Variants in PRKCQ observed in about 807,000 individuals in gnomAD.
PRKCQ encodes the protein protein kinase C theta, also known as protein kinase C theta type.
In PRKCQ, 41 loss-of-function variants were observed where a neutral mutation model predicts 91.2. The ratio of observed to expected loss-of-function variants is 0.45; its 90% confidence interval spans 0.35 to 0.58. The LOEUF is 0.58. Ranked by LOEUF, PRKCQ falls within the 20% of genes least tolerant of loss-of-function variation. The pLI is 0.00. For missense variants in PRKCQ, 673 were observed against 896.5 expected (o/e 0.75, Z 3.18); for synonymous variants, 307 against 316.9 (o/e 0.97, Z 0.33).
intron 15 of PRKCQ, among the ~76,000 whole-genome samples, chr10:6,445,509 G>A (rs986860846): frequency 2.0e-5 from 3 of 152,154 alleles, no homozygotes; most frequent in African/African-American, 7.2e-5. Context: ...CTTCTTATAA[G>A]CTTCTTGTGA....
downstream of PRKCQ, among the ~76,000 whole-genome samples, chr10:6,422,844 C>A (rs1833037258): frequency 6.6e-6 from 1 of 152,212 alleles, no homozygotes; most frequent in Non-Finnish European, 1.5e-5. Flanking sequence ...TCCTTCCTGT[C>A]CTCATGGTGA....
At chr10:6,544,679 G>A (rs965116183) in intron 1 of PRKCQ, among the ~76,000 whole-genome samples, 2 of 149,898 alleles carry the variant, frequency 1.3e-5, no homozygotes, top group African/African-American at 4.9e-5. Context: ...GGAGTGCAGT[G>A]GCATGATCCA....
chr10:6,515,179 GC>G, intron 1 of PRKCQ, 35 bp from the exon 2 acceptor site: 1 of 1,609,074 alleles, frequency 6.2e-7, no homozygotes, highest in Non-Finnish European at 8.5e-7. Context: ...CTGTTTGGGG[GC>G]TATAAAAGAT....
intron 15 of PRKCQ, among the ~76,000 whole-genome samples, chr10:6,456,339 T>G (rs1417348456): frequency 6.6e-6 from 1 of 152,168 alleles, no homozygotes; most frequent in Non-Finnish European, 1.5e-5. Flanking sequence ...GACCCCACAG[T>G]TTCACCACTT....
In PRKCQ at chr10:6,428,136, C is replaced by T; in HGVS notation, c.*71G>A. On this transcript the variant is annotated 3_prime_UTR_variant, in exon 18 of 18. Transcript: ENST00000263125. ...TTCTTTTTCCAAGTTGAAAAAGGAA[C>T]CCAAGCAGTGTCTCTTGAACCAGTT... 3 of 1,580,224 alleles carry T rather than the reference C, an allele frequency of 1.9e-6. No individual in the cohort carries two copies. The highest frequency in any genetic ancestry group is 2.6e-6 in the Non-Finnish European group (3 of 1,154,960).
At chr10:6,491,903 C>G in intron 7 of PRKCQ, 91 bp from the exon 8 acceptor site, 1 of 1,535,132 alleles carries the variant, frequency 6.5e-7, no homozygotes, top group Non-Finnish European at 9.0e-7. Flanking sequence ...TAACAGAGAT[C>G]ATAATGAAAA....
intron 8 of PRKCQ, among the ~76,000 whole-genome samples, chr10:6,491,222 G>GA (rs1445782959): frequency 6.6e-6 from 1 of 152,210 alleles, no homozygotes; most frequent in African/African-American, 2.4e-5. Flanking sequence ...TCAGCCAAAT[G>GA]AATGTGCTGG....
intron 12 of PRKCQ, among the ~76,000 whole-genome samples, chr10:6,478,483 A>G (rs974487673): frequency 2.6e-5 from 4 of 152,164 alleles, no homozygotes; most frequent in African/African-American, 9.7e-5. Context: ...CAGCATAAGG[A>G]AAGGGTCCCA....
At chr10:6,496,985 A>T in intron 7 of PRKCQ, 50 bp downstream of exon 7, 1 of 1,521,702 alleles carries the variant, frequency 6.6e-7, no homozygotes, top group Non-Finnish European at 9.1e-7. Flanking sequence ...TGTAACATTT[A>T]ACGTTCTGAT....
Position 6,479,137 on chromosome 10 carries a change from T to C in PRKCQ, c.1208A>G (p.Asn403Ser). 1 of 1,614,116 alleles carries C rather than the reference T, an allele frequency of 6.2e-7. No individual in the cohort carries two copies. The highest frequency in any genetic ancestry group is 8.5e-7 in the Non-Finnish European group (1 of 1,179,996). The stretch of plus-strand genomic sequence containing the variant: ...TAAGGCCTTTATTGCGAAAAATTGA[T>C]TGGTTTTCTTGAATTCTGCCAGGAA... ...KVFLAEFKKT[N>S]QFFAIKALKK... The change falls in exon 12 of 18, where the codon AAT (asparagine) becomes AGT (serine). Residue 403 changes from asparagine (N) to serine (S), a missense_variant. Coordinates refer to ENST00000263125, the MANE Select transcript of PRKCQ (RefSeq NM_006257.5).
intron 15 of PRKCQ, among the ~76,000 whole-genome samples, chr10:6,454,082 A>T (rs1013598731): frequency 2.0e-5 from 3 of 152,168 alleles, no homozygotes; most frequent in Non-Finnish European, 2.9e-5. Context: ...AATAATAAAT[A>T]AATTAATGCA....
intron 12 of PRKCQ, among the ~76,000 whole-genome samples, chr10:6,477,140 C>A (rs1468995988): frequency 2.6e-5 from 4 of 152,192 alleles, no homozygotes; most frequent in Non-Finnish European, 4.4e-5. Context: ...ATGCCCAAGG[C>A]CCTTTCTGCC....
At chr10:6,515,902 A>G (rs992416554) in intron 1 of PRKCQ, among the ~76,000 whole-genome samples, 1 of 152,202 alleles carries the variant, frequency 6.6e-6, no homozygotes, top group African/African-American at 2.4e-5. Flanking sequence ...CTAATTCTTC[A>G]TCTATTGTTC....
intron 12 of PRKCQ, among the ~76,000 whole-genome samples, chr10:6,471,747 C>T (rs7921652): frequency 0.28 from 43,119 of 152,002 alleles, 6,410 homozygotes; most frequent in South Asian, 0.44. Flanking sequence ...GAGACTCCTT[C>T]TCAAAACAAA....
At chr10:6,554,376 T>C (rs1291129335) in intron 1 of PRKCQ, among the ~76,000 whole-genome samples, 2 of 144,100 alleles carry the variant, frequency 1.4e-5, no homozygotes, top group African/African-American at 2.7e-5. Flanking sequence ...GGAGATATGT[T>C]TGGGGAAGTG....
intron 4 of PRKCQ, among the ~76,000 whole-genome samples, chr10:6,505,908 A>T (rs1838182259): frequency 6.6e-6 from 1 of 152,172 alleles, no homozygotes. Flanking sequence ...GGCCTCCCAA[A>T]GTACTGGAAT....
intron 16 of PRKCQ, among the ~76,000 whole-genome samples, chr10:6,433,590 T>C (rs1269855709): frequency 6.6e-6 from 1 of 152,180 alleles, no homozygotes; most frequent in Non-Finnish European, 1.5e-5. Context: ...TATATTTTTC[T>C]GTAGACTCAG....
chr10:6,464,450 T>C (rs1835527702), intron 12 of PRKCQ, 46 bp from the exon 13 acceptor site: 1 of 1,377,372 alleles, frequency 7.3e-7, no homozygotes, highest in Non-Finnish European at 1.0e-6. Flanking sequence ...ATTTCATTTT[T>C]ATTTATTTAT....
chr10:6,431,007 G>A, intron 16 of PRKCQ, 69 bp from the exon 17 acceptor site: 2 of 1,536,232 alleles, frequency 1.3e-6, no homozygotes, highest in Non-Finnish European at 8.8e-7. Flanking sequence ...AGGTCGTGGT[G>A]CTTCCTGGTG....
Sources: gnomAD v4.1 joint callset for allele counts (sites outside exome capture counted in the v4.1 genomes callset) on GRCh38, gnomAD v4.1.1 for gene constraint, MANE v1.5 for transcripts, NCBI Gene and HGNC (gene_info 2026-07-23, HGNC 2026-07-21) for gene names.